The following PLCXD3 variants were observed in gnomAD, a reference collection of about 807,000 sequenced individuals.
PLCXD3 encodes the protein phosphatidylinositol specific phospholipase C X domain containing 3.
A neutral mutation model predicts 25.5 loss-of-function variants in PLCXD3; 19 were observed. That is an observed-to-expected ratio of 0.75 (90% CI 0.52 to 1.09). The LOEUF (loss-of-function observed/expected upper bound fraction) is 1.09. PLCXD3 is among the 50% of genes least tolerant of loss of function. The pLI, the probability that PLCXD3 is intolerant of heterozygous loss-of-function variation, is 0.00. For missense variants in PLCXD3, 411 were observed against 388.1 expected (o/e 1.06, Z -0.50); for synonymous variants, 174 against 137.6 (o/e 1.26, Z -1.85).
At chr5:41,481,511 C>A (rs1325670658) in intron 1 of PLCXD3, among the ~76,000 whole-genome samples, 1 of 152,230 alleles carries the variant, frequency 6.6e-6, no homozygotes, top group Non-Finnish European at 1.5e-5. Flanking sequence ...AAACAACTTC[C>A]TTTAGGATCC....
chr5:41,454,225 G>A (rs1014643306), intron 1 of PLCXD3, among the ~76,000 whole-genome samples: 7 of 151,986 alleles, frequency 4.6e-5, no homozygotes, highest in Non-Finnish European at 7.4e-5. Flanking sequence ...GTAGTGGAAT[G>A]GGCCCTAGAT....
At chr5:41,326,759 T>C (rs1413097400) in intron 2 of PLCXD3, among the ~76,000 whole-genome samples, 1 of 152,190 alleles carries the variant, frequency 6.6e-6, no homozygotes, top group Non-Finnish European at 1.5e-5. Context: ...ACATAGCACA[T>C]AACATTGATT....
chr5:41,425,923 C>G (rs1400851846), intron 1 of PLCXD3, among the ~76,000 whole-genome samples: 1 of 152,118 alleles, frequency 6.6e-6, no homozygotes, highest in East Asian at 1.9e-4. Flanking sequence ...CATCCATGTG[C>G]AGGTTTTCAT....
intron 1 of PLCXD3, among the ~76,000 whole-genome samples, chr5:41,504,343 A>G (rs572881202): frequency 1.3e-5 from 2 of 152,336 alleles, no homozygotes; most frequent in East Asian, 3.9e-4. Context: ...AATGCAGAGT[A>G]TAGGATAAAA....
chr5:41,416,279 C>A (rs1746691175), intron 1 of PLCXD3, among the ~76,000 whole-genome samples: 1 of 152,204 alleles, frequency 6.6e-6, no homozygotes, highest in African/African-American at 2.4e-5. Flanking sequence ...GTATCTAGGA[C>A]ATTTAGCTTT....
chr5:41,311,912 T>A lies in PLCXD3; in HGVS notation c.*1705A>T, dbSNP rs1188903096. ...ATTAAAAGCTGAGGGCATGCTTTTA[T>A]TTCTCTATGACCCTACTTTGCATGG... On this transcript the variant is annotated 3_prime_UTR_variant, in exon 3 of 3. Coordinates refer to ENST00000377801, the MANE Select transcript of PLCXD3 (RefSeq NM_001005473.3). 1 of 152,552 alleles carries A rather than the reference T, an allele frequency of 6.6e-6. No individual in the cohort carries two copies. The highest frequency in any genetic ancestry group is 2.4e-5 in the African/African-American group (1 of 41,410). 9.4% of individuals were successfully genotyped at this position (152,552 alleles called of 1,614,324 possible).
At chr5:41,417,635 C>A (rs549271344) in intron 1 of PLCXD3, among the ~76,000 whole-genome samples, 1 of 152,316 alleles carries the variant, frequency 6.6e-6, no homozygotes, top group South Asian at 2.1e-4. Context: ...CTCTGATTAA[C>A]AGCTAATTAT....
At chr5:41,401,003 T>A (rs36089237) in intron 1 of PLCXD3, among the ~76,000 whole-genome samples, 1 of 58,024 alleles carries the variant, frequency 1.7e-5, no homozygotes, top group Non-Finnish European at 4.3e-5. Context: ...TTTAAAAAGC[T>A]AAAAAAAAAA....
intron 1 of PLCXD3, among the ~76,000 whole-genome samples, chr5:41,451,517 A>T (rs1358115934): frequency 1.3e-5 from 2 of 152,034 alleles, no homozygotes; most frequent in African/African-American, 4.8e-5. Flanking sequence ...GTGGTAACAA[A>T]AGTGTTATGC....
chr5:41,374,722 A>G (rs1292025915), intron 2 of PLCXD3, among the ~76,000 whole-genome samples: 1 of 152,130 alleles, frequency 6.6e-6, no homozygotes, highest in Non-Finnish European at 1.5e-5. Context: ...CTTTCTCCTC[A>G]GGGATATGTA....
intron 1 of PLCXD3, among the ~76,000 whole-genome samples, chr5:41,411,382 T>A (rs1329900645): frequency 6.6e-6 from 1 of 152,238 alleles, no homozygotes; most frequent in Non-Finnish European, 1.5e-5. Flanking sequence ...AGCTGGATCT[T>A]TTCTTTATCA....
At chr5:41,452,579 C>T (rs1329385291) in intron 1 of PLCXD3, among the ~76,000 whole-genome samples, 2 of 151,980 alleles carry the variant, frequency 1.3e-5, no homozygotes, top group Admixed American at 6.6e-5. Context: ...TCAAATATGA[C>T]CTCCAAATGA....
At chr5:41,348,033 C>A (rs980705856) in intron 2 of PLCXD3, among the ~76,000 whole-genome samples, 2 of 152,196 alleles carry the variant, frequency 1.3e-5, no homozygotes, top group Admixed American at 6.5e-5. Flanking sequence ...TGTTCTCTGG[C>A]AGCTCCAGTG....
chr5:41,506,032 T>C (rs1417179338), intron 1 of PLCXD3, among the ~76,000 whole-genome samples: 2 of 152,240 alleles, frequency 1.3e-5, no homozygotes, highest in Non-Finnish European at 2.9e-5. Context: ...AATGTGTATA[T>C]AAATCATCTA....
chr5:41,510,528 G>T lies in PLCXD3; in HGVS notation c.-2C>A. 6.2e-7 allele frequency: 1 copy of T among 1,612,358 alleles called. No individual in the cohort carries two copies. Among genetic ancestry groups the T allele is most frequent in the Non-Finnish European group, 8.5e-7 (1 of 1,178,978 alleles). ...GTTTTTCCCCTGAGACGAGGCCATCGTGCCAGTCGGCGTGCAGCGCGCTGG... is the reference window on the plus strand; with the variant it reads ...GTTTTTCCCCTGAGACGAGGCCATCTTGCCAGTCGGCGTGCAGCGCGCTGG... On this transcript the variant is annotated 5_prime_UTR_variant, in exon 1 of 3. Coordinates refer to ENST00000377801, the MANE Select transcript of PLCXD3 (RefSeq NM_001005473.3).
chr5:41,399,226 T>C (rs1279612753), intron 1 of PLCXD3, among the ~76,000 whole-genome samples: 2 of 152,230 alleles, frequency 1.3e-5, no homozygotes, highest in Admixed American at 6.5e-5. Context: ...TATTCCATGC[T>C]CATTGATTGG....
intron 2 of PLCXD3, among the ~76,000 whole-genome samples, chr5:41,320,174 C>T (rs1743422621): frequency 1.3e-5 from 2 of 151,884 alleles, no homozygotes; most frequent in Admixed American, 1.3e-4. Flanking sequence ...ATAATTCTAC[C>T]AAACATTTAA....
At chr5:41,330,324 G>C (rs939535916) in intron 2 of PLCXD3, among the ~76,000 whole-genome samples, 6 of 152,090 alleles carry the variant, frequency 3.9e-5, no homozygotes, top group African/African-American at 1.2e-4. Context: ...ACACCTCTAC[G>C]CAAATAAACT....
Position 41,341,270 on chromosome 5 carries a change from A to G in PLCXD3, c.813-27500T>C, listed in dbSNP as rs371552837. On this transcript the variant is annotated intron_variant, in intron 2 of 2. Coordinates refer to ENST00000377801, the MANE Select transcript of PLCXD3 (RefSeq NM_001005473.3). ...TATCGCATGTCTACACTGCCATGCT[A>G]ATGTCCAGAGTGGACAGCTTCCTAG... Among the ~76,000 whole-genome samples, 8 of 152,192 alleles carry G rather than the reference A, an allele frequency of 5.3e-5. No homozygotes were observed. In the East Asian group the frequency reaches 1.5e-3, roughly 29 times the overall value.
Sources: gnomAD v4.1 joint callset for allele counts (sites outside exome capture counted in the v4.1 genomes callset) on GRCh38, gnomAD v4.1.1 for gene constraint, MANE v1.5 for transcripts, NCBI Gene and HGNC (gene_info 2026-07-23, HGNC 2026-07-21) for gene names.